HAUS5: variants seen among roughly 807,000 people sequenced by gnomAD.
HAUS5 encodes HAUS augmin-like complex subunit 5.
In HAUS5, 67 loss-of-function variants were observed where a neutral mutation model predicts 94.1. The ratio of observed to expected loss-of-function variants is 0.71; its 90% CI spans 0.58 to 0.87. HAUS5 has a LOEUF of 0.87. Among genes scored for constraint, HAUS5 ranks in the 40% least tolerant of loss-of-function variants. HAUS5 has a pLI of 0.00. For synonymous variants in HAUS5, 339 were observed against 355.4 expected, an observed-to-expected ratio of 0.95 and a Z score of 0.52; for missense variants, 739 against 825.6, an observed-to-expected ratio of 0.90 and a Z score of 1.29.
At position 35,612,892 on chromosome 19, in the gene HAUS5, G is replaced by A; in HGVS notation, c.98G>A (p.Arg33Lys). The change falls in exon 1 of 19, where the codon AGG (arginine) becomes AAG (lysine). Residue 33 changes from arginine to lysine, a missense_variant and splice_region_variant. Arg to Lys is a conservative substitution (Grantham distance 26, BLOSUM62 2). Coordinates refer to ENST00000203166, the MANE Select transcript of HAUS5 (RefSeq NM_015302.2). ...CGGGCCCCGGAATCGACGCTGCGCAGGTGAGGACCGCTCCTGGAGTGAGGA... is the reference window on the plus strand; with the variant it reads ...CGGGCCCCGGAATCGACGCTGCGCAAGTGAGGACCGCTCCTGGAGTGAGGA... Reference protein sequence around the residue: ...AARAPESTLRRLCLGQGADIW... With the variant: ...AARAPESTLRKLCLGQGADIW... 1.3e-6 allele frequency: 2 copies of A among 1,538,478 alleles called. No individual in the cohort carries two copies. The highest frequency in any genetic ancestry group is 2.4e-5 in the South Asian group (2 of 83,074).
intron 12 of HAUS5, 49 bp from the exon 13 acceptor site, chr19:35,618,838 G>A (rs1967152631): frequency 6.4e-7 from 1 of 1,552,792 alleles, no homozygotes; most frequent in South Asian, 1.2e-5. Flanking sequence ...GGTCCCTTGT[G>A]TGGCTCAGTC....
chr19:35,624,102 G>GTGT lies in HAUS5; in HGVS notation c.*1110_*1111insGTT, dbSNP rs1381587327. On this transcript the variant is annotated 3_prime_UTR_variant, in exon 19 of 19. Transcript: ENST00000203166. ...GTCATATCTGTTCTTGTTTTCTTTT[G>GTGT]TTTTTTTTTTTTTTTTTTTTGAGAT... The GTGT allele has an allele frequency of 9.6e-6, 1 of 103,980 alleles. No individual in the cohort carries two copies. Among genetic ancestry groups the GTGT allele is most frequent in the African/African-American group, 3.8e-5 (1 of 26,378 alleles). The allele number at this position is 103,980 out of a possible 1,614,324, so 6.4% of individuals were successfully genotyped here. A position where few individuals can be genotyped will look rare whatever the true frequency, so the allele number is the denominator to read the frequency against.
chr19:35,619,966 GCCT>G (rs1568329739), intron 15 of HAUS5, 43 bp from the exon 16 acceptor site: 1 of 1,591,088 alleles, frequency 6.3e-7, no homozygotes, highest in South Asian at 1.1e-5. Context: ...AGAACCCAAG[GCCT>G]CCTCTCAGTC....
In HAUS5 at chr19:35,615,157, G is replaced by GA; in HGVS notation, c.325+10_325+11insA. 3 of 1,610,790 alleles carry GA rather than the reference G, an allele frequency of 1.9e-6. No individual in the cohort carries two copies. The highest frequency in any genetic ancestry group is 2.5e-6 in the Non-Finnish European group (3 of 1,178,344). ...GACACTGAGGCTCAGGGTGAGCCAT[G>GA]GGGCCAGAAGATGGGCACCAGAATG... On this transcript the variant is annotated intron_variant, in intron 5 of 18. Coordinates refer to ENST00000203166, the MANE Select transcript of HAUS5 (RefSeq NM_015302.2).
chr19:35,623,704 G>A lies in HAUS5; in HGVS notation c.*711G>A, dbSNP rs1052049660. 1 of 152,212 alleles carries A rather than the reference G, an allele frequency of 6.6e-6. No homozygotes were observed. 9.4% of individuals were successfully genotyped at this position (152,212 alleles called of 1,614,324 possible). ...TTTGTCTTATTTTACATATATCCTA[G>A]TAGCACTTACTGAAATTCCCAGTCA... On this transcript the variant is annotated 3_prime_UTR_variant, in exon 19 of 19. Coordinates refer to ENST00000203166, the MANE Select transcript of HAUS5 (RefSeq NM_015302.2).
chr19:35,619,584 G>GCCGCC, intron 14 of HAUS5, 29 bp from the exon 15 acceptor site: 2 of 1,533,892 alleles, frequency 1.3e-6, no homozygotes, highest in Non-Finnish European at 1.8e-6. Flanking sequence ...ATGTTGTGAT[G>GCCGCC]CCCCACCCAC....
At chr19:35,620,588 C>T (rs905458751) in intron 17 of HAUS5, among the ~76,000 whole-genome samples, 1 of 152,216 alleles carries the variant, frequency 6.6e-6, no homozygotes, top group African/African-American at 2.4e-5. Context: ...TCCAGGTGGT[C>T]TGAAATGGGT....
chr19:35,617,560 G>A (rs573764685), intron 8 of HAUS5, among the ~76,000 whole-genome samples, 191 bp downstream of exon 8: 3 of 152,306 alleles, frequency 2.0e-5, no homozygotes, highest in South Asian at 4.1e-4. Flanking sequence ...TGTTGCGGGA[G>A]TGAGGAGGCC....
chr19:35,615,330 C>T lies in HAUS5; in HGVS notation c.429C>T (p.Leu143=), dbSNP rs1599594256. Residue 143 remains leucine, a synonymous_variant, in exon 6 of 19, where the codon CTC becomes CTT. Transcript: ENST00000203166. ...CCATGCGAAGACAGCAGCATACGCTCCGAGATCCCATGCAGCGGCTGCAGA... is the reference window on the plus strand; with the variant it reads ...CCATGCGAAGACAGCAGCATACGCTTCGAGATCCCATGCAGCGGCTGCAGA... ...AGAMRRQQHT[L]RDPMQRLQNQ... The T allele has an allele frequency of 6.2e-7, 1 of 1,613,148 alleles. No homozygotes were observed. Among genetic ancestry groups the T allele is most frequent in the Non-Finnish European group, 8.5e-7 (1 of 1,179,686 alleles).
rs1455613308 is a variant in HAUS5, at chr19:35,620,111, G to A, written c.1506G>A (p.Leu502=). The stretch of plus-strand genomic sequence containing the variant: ...TAGCGCTGAGCCACAAGCTGGGGCT[G>A]CCTCCAGGGAAGGTGAGTGCCCGTC... ...SFIALSHKLG[L]PPGKASELLL... Residue 502 remains leucine (L), a synonymous_variant, in exon 16 of 19, where the codon CTG becomes CTA. Coordinates refer to ENST00000203166, the MANE Select transcript of HAUS5 (RefSeq NM_015302.2). 1.9e-6 allele frequency: 3 copies of A among 1,613,884 alleles called. No homozygotes were observed. Among genetic ancestry groups the A allele is most frequent in the Non-Finnish European group, 2.5e-6 (3 of 1,179,858 alleles).
chr19:35,621,606 T>C (rs756470841), intron 17 of HAUS5, among the ~76,000 whole-genome samples: 16 of 152,196 alleles, frequency 1.1e-4, no homozygotes, highest in Non-Finnish European at 1.9e-4. Context: ...GTTCCTCTTC[T>C]TGGTTTCCTT....
In HAUS5 at chr19:35,618,680, G is replaced by A. The variant is rs375370177; in HGVS notation, c.997G>A (p.Val333Ile). 20 of 1,599,448 alleles carry A rather than the reference G, an allele frequency of 1.3e-5. No homozygotes were observed. Among genetic ancestry groups the A allele is most frequent in the African/African-American group, 9.4e-5 (7 of 74,554 alleles). The change falls in exon 12 of 19, where the codon GTC becomes ATC. Residue 333 changes from valine (V) to isoleucine (I), a missense_variant. By Grantham distance (29) the Val-to-Ile change is conservative (BLOSUM62 3). Transcript: ENST00000203166. ...CCTGGTGGAGGAGGTGGAGAGACGC[G>A]TCCTGGGATCCAGTGAGAGGTGGGG... ...QGLVEEVERRVLGSSERQVLI... is the reference protein window; with the variant it reads ...QGLVEEVERRILGSSERQVLI...
intron 8 of HAUS5, 148 bp downstream of exon 8, chr19:35,617,517 C>T: frequency 1.6e-6 from 1 of 627,490 alleles, no homozygotes; most frequent in Middle Eastern, 3.6e-4. Context: ...GACAGTCTCT[C>T]ATCACAAACA....
intron 13 of HAUS5, 125 bp downstream of exon 13, chr19:35,619,174 G>C (rs1398467570): frequency 9.6e-7 from 1 of 1,036,946 alleles, no homozygotes; most frequent in Non-Finnish European, 1.4e-6. Flanking sequence ...GGGAGGCTGA[G>C]GTGGGAGGAT....
chr19:35,622,280 C>T (rs1398253704), intron 17 of HAUS5, among the ~76,000 whole-genome samples: 1 of 151,698 alleles, frequency 6.6e-6, no homozygotes, highest in Non-Finnish European at 1.5e-5. Flanking sequence ...AAGAAACGCT[C>T]AGGAGACTGA....
rs1392602032 is a variant in HAUS5 at position 35,624,381 on chromosome 19, AG to A, written c.*1390del. On this transcript the variant is annotated 3_prime_UTR_variant, in exon 19 of 19. Transcript: ENST00000203166. ...CGGCCTCCCAAAGTGCTGGGATTAC[AG>A]GCATGAGCCACCGCGCCTGACCACA... 3 of 152,064 alleles carry A rather than the reference AG, an allele frequency of 2.0e-5. No homozygotes were observed. The highest frequency in any genetic ancestry group is 7.2e-5 in the African/African-American group (3 of 41,398). 9.4% of individuals were successfully genotyped at this position (152,064 alleles called of 1,614,324 possible).
chr19:35,617,357 G>A lies in HAUS5; in HGVS notation c.626G>A (p.Arg209Lys). The A allele has an allele frequency of 6.2e-7, 1 of 1,613,068 alleles. No individual in the cohort carries two copies. The highest frequency in any genetic ancestry group is 8.5e-7 in the Non-Finnish European group (1 of 1,179,032). The change falls in exon 8 of 19, where the codon AGG becomes AAG. Residue 209 changes from arginine to lysine, a missense_variant. Arg to Lys is a conservative substitution (Grantham distance 26). Transcript: ENST00000203166. ...LQNLLLPQAK[R>K]GSLPTPHDDH... is the part of the protein sequence containing the mutation. ...AACCTCCTGCTTCCCCAGGCCAAGA[G>A]GGGCAGCCTCCCGTGAGTGTCCCTA...
chr19:35,623,093 C>G lies in HAUS5; in HGVS notation c.*100C>G. The G allele has an allele frequency of 2.5e-6, 2 of 814,112 alleles. No homozygotes were observed. The highest frequency in any genetic ancestry group is 4.0e-6 in the Non-Finnish European group (2 of 497,550). 50.4% of individuals were successfully genotyped at this position (814,112 alleles called of 1,614,324 possible). On this transcript the variant is annotated 3_prime_UTR_variant, in exon 19 of 19. Coordinates refer to ENST00000203166, the MANE Select transcript of HAUS5 (RefSeq NM_015302.2). ...AGAAAGCAGCGCCAGGATTCCTCGG[C>G]AGTCGTCCCCACCCGCACCTGCAGT...
intron 1 of HAUS5, 40 bp downstream of exon 1, chr19:35,612,932 G>A (rs767749417): frequency 3.0e-5 from 41 of 1,360,680 alleles, no homozygotes; most frequent in Non-Finnish European, 4.0e-5. Flanking sequence ...CCACCCTGGA[G>A]ATTGAGTCTC....
Sources: gnomAD v4.1 joint callset for allele counts (sites outside exome capture counted in the v4.1 genomes callset) on GRCh38, gnomAD v4.1.1 for gene constraint, MANE v1.5 for transcripts, NCBI Gene and HGNC (gene_info 2026-07-23, HGNC 2026-07-21) for gene names.